DLGAP2: variants seen among roughly 807,000 people sequenced by gnomAD.
DLGAP2 encodes the protein disks large-associated protein 2.
In DLGAP2, 26 loss-of-function variants were observed where a neutral mutation model predicts 100.3. That is an observed-to-expected ratio of 0.26 (90% CI 0.19 to 0.36). The LOEUF is 0.36. Among genes scored for constraint, DLGAP2 ranks in the 10% least tolerant of loss-of-function variants. DLGAP2 has a pLI of 1.00. For missense variants in DLGAP2, 1,858 were observed against 1,453.2 expected (o/e 1.28, Z -4.53); for synonymous variants, 886 against 630.1 (o/e 1.41, Z -6.08).
chr8:999,488 T>C (rs1281715513), intron 2 of DLGAP2, among the ~76,000 whole-genome samples: 1 of 151,580 alleles, frequency 6.6e-6, no homozygotes. Context: ...TTCTTTTTTT[T>C]TTTTTTTCCC....
chr8:1,279,504 C>G (rs1047277577), intron 3 of DLGAP2, among the ~76,000 whole-genome samples: 11 of 152,176 alleles, frequency 7.2e-5, no homozygotes, highest in Non-Finnish European at 1.5e-4. Flanking sequence ...AGGGAAATTG[C>G]AATTCTAGAT....
intron 2 of DLGAP2, among the ~76,000 whole-genome samples, chr8:1,212,828 A>G (rs1466236021): frequency 7.7e-6 from 1 of 129,730 alleles, no homozygotes; most frequent in Non-Finnish European, 1.5e-5. Flanking sequence ...ATGTTTCTGA[A>G]TAAGAATGAC....
chr8:1,013,454 A>T (rs989044841), intron 2 of DLGAP2, among the ~76,000 whole-genome samples: 5 of 152,096 alleles, frequency 3.3e-5, no homozygotes, highest in African/African-American at 1.2e-4. Context: ...CAGGAATCGG[A>T]ATAGGAGGCA....
At chr8:1,236,059 CGTGTCT>C (rs2116845303) in intron 2 of DLGAP2, among the ~76,000 whole-genome samples, 1 of 72,868 alleles carries the variant, frequency 1.4e-5, no homozygotes, top group Non-Finnish European at 2.5e-5. Flanking sequence ...CACATGGCAC[CGTGTCT>C]AGTTCTCTCA....
chr8:1,463,267 G>A (rs750767556), intron 3 of DLGAP2, among the ~76,000 whole-genome samples: 8 of 152,196 alleles, frequency 5.3e-5, no homozygotes, highest in Non-Finnish European at 1.0e-4. Context: ...AAAAGAAAAA[G>A]ATCAGGGAAG....
chr8:1,007,555 C>T (rs1005012613), intron 2 of DLGAP2, among the ~76,000 whole-genome samples: 4 of 151,776 alleles, frequency 2.6e-5, no homozygotes, highest in African/African-American at 9.7e-5. Flanking sequence ...AGCCATGTGG[C>T]CATAGTCTGG....
intron 1 of DLGAP2, among the ~76,000 whole-genome samples, chr8:811,429 C>T (rs1433707994): frequency 6.8e-6 from 1 of 147,732 alleles, no homozygotes; most frequent in Non-Finnish European, 1.5e-5. Context: ...AGGCCACCAG[C>T]TTTCGGATGA....
At chr8:790,895 G>C (rs997257474) in intron 1 of DLGAP2, among the ~76,000 whole-genome samples, 8 of 152,020 alleles carry the variant, frequency 5.3e-5, no homozygotes, top group Non-Finnish European at 1.0e-4. Context: ...ACAGGTGCAC[G>C]CCACCATGCC....
intron 3 of DLGAP2, among the ~76,000 whole-genome samples, chr8:1,322,529 G>A (rs1321354630): frequency 6.6e-6 from 1 of 151,850 alleles, no homozygotes; most frequent in Non-Finnish European, 1.5e-5. Flanking sequence ...GGAAATGCAT[G>A]CACCCACCCA....
rs868308708 is a variant in DLGAP2, at chr8:1,015,053, G to A, written c.73+107087G>A. Among the ~76,000 whole-genome samples, 22 of 17,386 alleles carry A rather than the reference G, an allele frequency of 1.3e-3. 1 individual carries two copies. Among genetic ancestry groups the A allele is most frequent in the Admixed American group, 3.3e-3 (7 of 2,150 alleles). 11.4% of individuals were successfully genotyped at this position (17,386 alleles called of 152,430 possible). A position where few individuals can be genotyped will look rare whatever the true frequency, so the allele number is the denominator to read the frequency against. On this transcript the variant is annotated intron_variant, in intron 2 of 14. Transcript: ENST00000637795. ...GACAGACGGCGCCTCCACTGTGTGT[G>A]TGACCAGGACAGACGGTGCCTCCAC...
intron 2 of DLGAP2, among the ~76,000 whole-genome samples, chr8:1,112,155 A>T (rs910546239): frequency 1.3e-5 from 2 of 151,738 alleles, no homozygotes; most frequent in Admixed American, 1.3e-4. Flanking sequence ...TTCTCTAATG[A>T]TAAATGATAT....
At chr8:893,450 T>C (rs1798077717) in intron 1 of DLGAP2, among the ~76,000 whole-genome samples, 1 of 152,210 alleles carries the variant, frequency 6.6e-6, no homozygotes, top group Non-Finnish European at 1.5e-5. Context: ...CAATTAGATT[T>C]AATTAGGCAG....
chr8:1,443,668 G>C (rs1022717531), intron 3 of DLGAP2, among the ~76,000 whole-genome samples: 5 of 152,222 alleles, frequency 3.3e-5, no homozygotes, highest in African/African-American at 1.2e-4. Context: ...TGGTGGCAGA[G>C]AAGACGGCTT....
chr8:781,054 G>T (rs1272179964), intron 1 of DLGAP2, among the ~76,000 whole-genome samples: 2 of 152,152 alleles, frequency 1.3e-5, no homozygotes, highest in Non-Finnish European at 2.9e-5. Context: ...TTCAGCCCAG[G>T]CATGAAAATA....
chr8:1,573,949 T>G (rs574173906), intron 6 of DLGAP2, among the ~76,000 whole-genome samples: 1 of 152,058 alleles, frequency 6.6e-6, no homozygotes, highest in Non-Finnish European at 1.5e-5. Flanking sequence ...AACTTACAAG[T>G]GTAAAGTGAG....
intron 2 of DLGAP2, among the ~76,000 whole-genome samples, chr8:1,170,907 A>G (rs1797114960): frequency 6.8e-6 from 1 of 146,416 alleles, no homozygotes; most frequent in East Asian, 2.0e-4. Flanking sequence ...GATTTTAGTT[A>G]TTTCTTGCCT....
chr8:1,252,265 A>T (rs1167627897), intron 2 of DLGAP2, among the ~76,000 whole-genome samples: 1 of 149,510 alleles, frequency 6.7e-6, no homozygotes, highest in Non-Finnish European at 1.5e-5. Flanking sequence ...GTGGTGTCAC[A>T]GTCACGTCAT....
At chr8:1,023,280 T>C (rs1801680480) in intron 2 of DLGAP2, among the ~76,000 whole-genome samples, 1 of 152,198 alleles carries the variant, frequency 6.6e-6, no homozygotes, top group Non-Finnish European at 1.5e-5. Flanking sequence ...CACGTAGGTC[T>C]GTTCGCTGGG....
intron 6 of DLGAP2, among the ~76,000 whole-genome samples, chr8:1,586,974 T>C (rs1796141036): frequency 6.6e-6 from 1 of 152,214 alleles, no homozygotes; most frequent in African/African-American, 2.4e-5. Context: ...AAATTGCTTT[T>C]TTCTAATGGG....
Sources: gnomAD v4.1 joint callset for allele counts (sites outside exome capture counted in the v4.1 genomes callset) on GRCh38, gnomAD v4.1.1 for gene constraint, MANE v1.5 for transcripts, NCBI Gene and HGNC (gene_info 2026-07-23, HGNC 2026-07-21) for gene names.